Variants in CNTN1 observed in about 807,000 individuals in gnomAD.
CNTN1 encodes the protein contactin-1.
A neutral mutation model predicts 126.4 loss-of-function variants in CNTN1; 38 were observed. The ratio of observed to expected loss-of-function variants is 0.30; its 90% CI spans 0.23 to 0.39. The LOEUF is 0.39. Ranked by LOEUF, CNTN1 falls within the 10% of genes least tolerant of loss-of-function variation. The probability of loss-of-function intolerance (pLI) is 1.00; values close to 1 mark genes in which losing one functional copy is unlikely to be tolerated. For synonymous variants in CNTN1, 413 were observed against 422.6 expected (o/e 0.98, Z 0.28); for missense variants, 1,009 against 1,248.4 (o/e 0.81, Z 2.89).
intron 1 of CNTN1, among the ~76,000 whole-genome samples, chr12:40,724,165 T>C (rs183887273): frequency 6.6e-6 from 1 of 152,310 alleles, no homozygotes; most frequent in Admixed American, 6.5e-5. Context: ...AAATGTAACA[T>C]GTACCCTAGG....
intron 17 of CNTN1, among the ~76,000 whole-genome samples, chr12:40,994,257 AT>A (rs928412199): frequency 5.3e-5 from 8 of 152,080 alleles, no homozygotes; most frequent in African/African-American, 1.7e-4. Flanking sequence ...CTCTCTGACG[AT>A]TTTTACTTCA....
chr12:40,732,174 G>A (rs1327641851), intron 1 of CNTN1, among the ~76,000 whole-genome samples: 4 of 151,894 alleles, frequency 2.6e-5, no homozygotes, highest in Admixed American at 2.6e-4. Flanking sequence ...AGCCTATAGT[G>A]CTTAATTTAG....
At chr12:40,843,518 C>T (rs1177729837) in intron 1 of CNTN1, among the ~76,000 whole-genome samples, 2 of 152,150 alleles carry the variant, frequency 1.3e-5, no homozygotes. Flanking sequence ...ACATTTGGCA[C>T]ATTGCCTGGT....
intron 1 of CNTN1, among the ~76,000 whole-genome samples, chr12:40,760,840 C>CACACACAA (rs1181316657): frequency 6.6e-6 from 1 of 151,520 alleles, no homozygotes; most frequent in Admixed American, 6.6e-5. Flanking sequence ...ATAATGCACA[C>CACACACAA]ACACACACAC....
At position 40,908,199 on chromosome 12, in the gene CNTN1, C is replaced by T. The variant is rs571937033; in HGVS notation, c.-76-158C>T. Among the ~76,000 whole-genome samples the T allele has an allele frequency of 3.5e-4, 54 of 152,240 alleles. 1 individual carries two copies. The South Asian group carries it at 8.3e-3, about 23-fold the overall frequency. ...AATAAATGAAAACTTATTCTACAAA[C>T]GAAAAGCATAAAGTCACATAGGTTA... On this transcript the variant is annotated intron_variant, in intron 1 of 23. Coordinates refer to ENST00000551295, the MANE Select transcript of CNTN1 (RefSeq NM_001843.4).
intron 1 of CNTN1, among the ~76,000 whole-genome samples, chr12:40,905,986 G>T (rs879048447): frequency 6.6e-6 from 1 of 152,154 alleles, no homozygotes; most frequent in Non-Finnish European, 1.5e-5. Context: ...TCCTCTAAAA[G>T]AATTGTTGGC....
chr12:40,969,000 G>A (rs190327151), intron 15 of CNTN1, among the ~76,000 whole-genome samples: 10 of 152,128 alleles, frequency 6.6e-5, no homozygotes, highest in South Asian at 6.2e-4. Context: ...ATTTTAGCTC[G>A]TTTAAAATTA....
At chr12:41,034,993 T>G (rs958501720) in intron 23 of CNTN1, among the ~76,000 whole-genome samples, 15 of 152,186 alleles carry the variant, frequency 9.9e-5, no homozygotes, top group African/African-American at 2.9e-4. Flanking sequence ...GAGCCTTAAT[T>G]GTCCTTCAGA....
chr12:40,769,413 A>G (rs1188973776), intron 1 of CNTN1, among the ~76,000 whole-genome samples: 11 of 152,204 alleles, frequency 7.2e-5, no homozygotes, highest in Admixed American at 7.2e-4. Flanking sequence ...AGAGCAGACT[A>G]TGAAGTGCAT....
In CNTN1 at chr12:40,986,739, C is replaced by T. The variant is rs752272970; in HGVS notation, c.1963+5672C>T. On this transcript the variant is annotated intron_variant, in intron 16 of 23. Coordinates refer to ENST00000551295, the MANE Select transcript of CNTN1 (RefSeq NM_001843.4). Reference sequence around the variant, plus strand: ...TGCCACTATCTCATGTTTGTAGTATCGGTGCCGCAGAGGGAAGTCTTTTTT... The same window carrying T: ...TGCCACTATCTCATGTTTGTAGTATTGGTGCCGCAGAGGGAAGTCTTTTTT... Among the ~76,000 whole-genome samples the T allele has an allele frequency of 6.6e-5, 10 of 152,258 alleles. No individual in the cohort carries two copies. The South Asian group carries it at 1.7e-3, about 25-fold the overall frequency.
intron 3 of CNTN1, among the ~76,000 whole-genome samples, chr12:40,918,060 T>C (rs1945306661): frequency 6.6e-6 from 1 of 152,172 alleles, no homozygotes; most frequent in Admixed American, 6.6e-5. Context: ...CTCCTTTTGT[T>C]TTCCAGACAA....
At chr12:40,997,456 CTT>C (rs929177602) in intron 17 of CNTN1, among the ~76,000 whole-genome samples, 2 of 151,874 alleles carry the variant, frequency 1.3e-5, no homozygotes, top group Non-Finnish European at 2.9e-5. Flanking sequence ...CTCATTCTTT[CTT>C]TTTTCTTTCT....
intron 7 of CNTN1, among the ~76,000 whole-genome samples, chr12:40,932,871 G>T (rs1945939705): frequency 6.6e-6 from 1 of 151,996 alleles, no homozygotes; most frequent in Admixed American, 6.6e-5. Flanking sequence ...TTCTAAGCCT[G>T]ATTTTTTCTG....
chr12:40,735,086 G>T (rs1481005086), intron 1 of CNTN1, among the ~76,000 whole-genome samples: 1 of 152,098 alleles, frequency 6.6e-6, no homozygotes, highest in Non-Finnish European at 1.5e-5. Context: ...AATCATCATT[G>T]TTGAATGTTT....
At chr12:40,757,058 TG>T (rs201703823) in intron 1 of CNTN1, among the ~76,000 whole-genome samples, 1,988 of 152,234 alleles carry the variant, frequency 0.013, 15 homozygotes, top group Non-Finnish European at 0.019. Context: ...TAAACAATAA[TG>T]CAGTTCCTGG....
At chr12:40,868,077 C>T (rs555451981) in intron 1 of CNTN1, among the ~76,000 whole-genome samples, 2 of 151,854 alleles carry the variant, frequency 1.3e-5, no homozygotes, top group Non-Finnish European at 2.9e-5. Flanking sequence ...GTTATTGAGT[C>T]CCAACTTACT....
chr12:40,834,315 C>T (rs981801478), intron 1 of CNTN1, among the ~76,000 whole-genome samples: 2 of 152,146 alleles, frequency 1.3e-5, no homozygotes, highest in African/African-American at 2.4e-5. Context: ...CCCTTTCACC[C>T]GTTCTGCTCC....
intron 23 of CNTN1, among the ~76,000 whole-genome samples, chr12:41,030,639 T>C (rs1345166952): frequency 6.6e-6 from 1 of 152,104 alleles, no homozygotes; most frequent in African/African-American, 2.4e-5. Context: ...CATTAAAGTT[T>C]TTTTCTATCA....
chr12:41,016,771 A>T lies in CNTN1; in HGVS notation c.2274A>T (p.Thr758=). 2 of 1,614,192 alleles carry T rather than the reference A, an allele frequency of 1.2e-6. No individual in the cohort carries two copies. The highest frequency in any genetic ancestry group is 1.7e-6 in the Non-Finnish European group (2 of 1,180,012). ...PFDGEEWKKV[T]VTNPDTGRYV... Reference sequence around the variant, plus strand: ...ATGGAGAAGAATGGAAAAAAGTCACAGTTACTAATCCTGATACTGGCCGAT... The same window carrying T: ...ATGGAGAAGAATGGAAAAAAGTCACTGTTACTAATCCTGATACTGGCCGAT... Residue 758 remains threonine (T), a synonymous_variant, in exon 19 of 24, where the codon ACA becomes ACT. Coordinates refer to ENST00000551295, the MANE Select transcript of CNTN1 (RefSeq NM_001843.4).
Sources: gnomAD v4.1 joint callset for allele counts (sites outside exome capture counted in the v4.1 genomes callset) on GRCh38, gnomAD v4.1.1 for gene constraint, MANE v1.5 for transcripts, NCBI Gene and HGNC (gene_info 2026-07-23, HGNC 2026-07-21) for gene names.